Variants in RAB22A observed in about 807,000 individuals in gnomAD.
The protein encoded by RAB22A is RAB22A, member RAS oncogene family, also known as ras-related protein Rab-22A.
Under a neutral mutation model 30.2 loss-of-function variants are expected in RAB22A, and 13 were observed. That is an observed-to-expected ratio of 0.43 (90% CI 0.28 to 0.68). The LOEUF is 0.68. RAB22A is among the 30% of genes least tolerant of loss of function. The pLI is 0.18. For synonymous variants in RAB22A, 89 were observed against 87.2 expected, an observed-to-expected ratio of 1.02 and a Z score of -0.11; for missense variants, 177 against 246.8, an observed-to-expected ratio of 0.72 and a Z score of 1.89.
In RAB22A at chr20:58,353,472, G is replaced by A. The variant is rs573426413; in HGVS notation, c.311G>A (p.Arg104Gln). The change falls in exon 5 of 7, where the codon CGA becomes CAA. Residue 104 changes from arginine to glutamine, a missense_variant. By Grantham distance (43) the Arg-to-Gln change is conservative. Coordinates refer to ENST00000244040, the MANE Select transcript of RAB22A (RefSeq NM_020673.3). Reference sequence around the variant, plus strand: ...TTAAAGAATTGGGTGAAAGAGCTTCGACAGCATGGCCCACCTAATATTGTA... The same window carrying A: ...TTAAAGAATTGGGTGAAAGAGCTTCAACAGCATGGCCCACCTAATATTGTA... ...STLKNWVKEL[R>Q]QHGPPNIVVA... is the part of the protein sequence containing the mutation. 20 of 1,613,622 alleles carry A rather than the reference G, an allele frequency of 1.2e-5. No individual in the cohort carries two copies. Among genetic ancestry groups the A allele is most frequent in the South Asian group, 2.2e-5 (2 of 91,064 alleles).
intron 3 of RAB22A, among the ~76,000 whole-genome samples, chr20:58,347,965 G>A (rs371593551): frequency 3.3e-5 from 5 of 152,260 alleles, no homozygotes; most frequent in African/African-American, 1.2e-4. Flanking sequence ...AGTGGCTCAC[G>A]CCTGTAATCC....
intron 3 of RAB22A, 28 bp from the exon 4 acceptor site, chr20:58,353,245 T>C: frequency 6.3e-7 from 1 of 1,597,008 alleles, no homozygotes; most frequent in South Asian, 1.1e-5. Flanking sequence ...TTTTCCCAAT[T>C]TTGTTTATTT....
intron 2 of RAB22A, among the ~76,000 whole-genome samples, chr20:58,337,884 T>C (rs1239317060): frequency 6.6e-6 from 1 of 152,200 alleles, no homozygotes; most frequent in Non-Finnish European, 1.5e-5. Context: ...GTGAAATCAT[T>C]AGAAGAGTGT....
At chr20:58,334,731 CTT>C (rs11475299) in intron 2 of RAB22A, among the ~76,000 whole-genome samples, 5,154 of 134,372 alleles carry the variant, frequency 0.038, 123 homozygotes, top group African/African-American at 0.08. Context: ...CAACTTTGTA[CTT>C]TTTTTTTTTT....
Position 58,319,003 on chromosome 20 carries a change from A to G in RAB22A, c.116+7881A>G, listed in dbSNP as rs370874293. Among the ~76,000 whole-genome samples the G allele has an allele frequency of 3.9e-5, 6 of 152,176 alleles. No individual in the cohort carries two copies. The East Asian group carries it at 7.7e-4, about 20-fold the overall frequency. On this transcript the variant is annotated intron_variant, in intron 2 of 6. Transcript: ENST00000244040. ...GTATGTCGTATGGAAAGCATTTGTT[A>G]TTTCTTAGCAAATGACAAAATTAAA...
At chr20:58,314,446 T>G (rs541067229) in intron 2 of RAB22A, among the ~76,000 whole-genome samples, 1 of 152,346 alleles carries the variant, frequency 6.6e-6, no homozygotes, top group East Asian at 1.9e-4. Flanking sequence ...GGACCTGACC[T>G]GGGCCTGTGG....
At chr20:58,327,488 A>G (rs1986588385) in intron 2 of RAB22A, among the ~76,000 whole-genome samples, 1 of 152,210 alleles carries the variant, frequency 6.6e-6, no homozygotes, top group Non-Finnish European at 1.5e-5. Flanking sequence ...GAGCCTCTCC[A>G]TAGGGCTGCT....
intron 2 of RAB22A, among the ~76,000 whole-genome samples, chr20:58,340,687 A>G (rs1390613366): frequency 4.6e-5 from 7 of 152,210 alleles, no homozygotes. Flanking sequence ...TAAGTCAGAC[A>G]TTGAACAGGC....
chr20:58,332,040 A>G (rs1228354187), intron 2 of RAB22A, among the ~76,000 whole-genome samples: 1 of 152,238 alleles, frequency 6.6e-6, no homozygotes, highest in Non-Finnish European at 1.5e-5. Flanking sequence ...GTAAGTAGTA[A>G]TGATAACGAT....
intron 3 of RAB22A, among the ~76,000 whole-genome samples, chr20:58,347,389 A>G (rs915953625): frequency 5.9e-5 from 9 of 152,254 alleles, no homozygotes; most frequent in Non-Finnish European, 1.0e-4. Flanking sequence ...AATACTGCTC[A>G]GGATGATGAT....
At chr20:58,356,893 C>T (rs530313805) in intron 6 of RAB22A, among the ~76,000 whole-genome samples, 10 of 152,270 alleles carry the variant, frequency 6.6e-5, no homozygotes, top group African/African-American at 2.2e-4. Flanking sequence ...AGAATACCCA[C>T]AATATAATTA....
chr20:58,315,402 C>T (rs1051278243), intron 2 of RAB22A, among the ~76,000 whole-genome samples: 4 of 152,194 alleles, frequency 2.6e-5, no homozygotes, highest in African/African-American at 9.6e-5. Context: ...GCATACCTCA[C>T]ACGGTATCTG....
chr20:58,348,848 G>C (rs1162047618), intron 3 of RAB22A, among the ~76,000 whole-genome samples: 1 of 152,124 alleles, frequency 6.6e-6, no homozygotes, highest in Non-Finnish European at 1.5e-5. Context: ...ATGGATTTGT[G>C]TTGGGCCACA....
chr20:58,331,629 C>T (rs1281905252), intron 2 of RAB22A, among the ~76,000 whole-genome samples: 1 of 152,030 alleles, frequency 6.6e-6, no homozygotes, highest in Non-Finnish European at 1.5e-5. Flanking sequence ...ATTGTATTTG[C>T]CCTCTAGAAG....
chr20:58,331,012 CCT>C (rs1264418819), intron 2 of RAB22A, among the ~76,000 whole-genome samples: 1 of 152,212 alleles, frequency 6.6e-6, no homozygotes, highest in African/African-American at 2.4e-5. Flanking sequence ...TGAACCTCAT[CCT>C]CTGTCACTTC....
chr20:58,343,841 A>G, intron 3 of RAB22A, 42 bp downstream of exon 3: 12 of 1,475,682 alleles, frequency 8.1e-6, no homozygotes, highest in Non-Finnish European at 1.1e-5. Context: ...TGAGGCCCAA[A>G]TGAAAGTTCC....
At chr20:58,324,642 G>A (rs1176777626) in intron 2 of RAB22A, among the ~76,000 whole-genome samples, 1 of 152,038 alleles carries the variant, frequency 6.6e-6, no homozygotes, top group Non-Finnish European at 1.5e-5. Flanking sequence ...GCCGAGGCGG[G>A]CAGATCATGA....
chr20:58,314,473 C>T (rs1008347447), intron 2 of RAB22A, among the ~76,000 whole-genome samples: 1 of 152,210 alleles, frequency 6.6e-6, no homozygotes, highest in Non-Finnish European at 1.5e-5. Flanking sequence ...CTGACTCCTA[C>T]AGTGATCAGT....
chr20:58,318,107 A>G (rs964995788), intron 2 of RAB22A, among the ~76,000 whole-genome samples: 1 of 152,082 alleles, frequency 6.6e-6, no homozygotes, highest in Non-Finnish European at 1.5e-5. Flanking sequence ...ACCTCAAGTG[A>G]TCCTCCTGCC....
Sources: allele counts gnomAD v4.1 joint callset (sites outside exome capture counted in the v4.1 genomes callset), GRCh38; gene constraint gnomAD v4.1.1; transcripts MANE v1.5; gene names NCBI Gene and HGNC (gene_info 2026-07-23, HGNC 2026-07-21).